The following POFUT3 variants were observed in gnomAD, a reference collection of about 807,000 sequenced individuals.
POFUT3 encodes the protein GDP-fucose protein O-fucosyltransferase 3.
At chr8:33,349,158 G>A in the POFUT3 span, among the ~76,000 whole-genome samples, 3 of 152,224 alleles carry the variant, frequency 2.0e-5, no homozygotes, top group Admixed American at 1.3e-4. Flanking sequence ...TTGGCTACCA[G>A]TGCCAGATAG....
At chr8:33,470,571 T>C in the POFUT3 span, among the ~76,000 whole-genome samples, 1 of 152,226 alleles carries the variant, frequency 6.6e-6, no homozygotes, top group Non-Finnish European at 1.5e-5. Context: ...TTAGTAACTA[T>C]TCTTCCTCCA....
the POFUT3 span, among the ~76,000 whole-genome samples, chr8:33,403,167 AAG>A: frequency 6.6e-6 from 1 of 152,170 alleles, no homozygotes; most frequent in African/African-American, 2.4e-5. Context: ...GGTAGAAAGA[AAG>A]AGGAAAAAAG....
the POFUT3 span, among the ~76,000 whole-genome samples, chr8:33,309,745 T>A: frequency 6.6e-6 from 1 of 152,188 alleles, no homozygotes; most frequent in Non-Finnish European, 1.5e-5. Context: ...ACCATAGTTT[T>A]GAAATTATAT....
chr8:33,375,815 G>A, the POFUT3 span, among the ~76,000 whole-genome samples: 1 of 152,032 alleles, frequency 6.6e-6, no homozygotes, highest in Non-Finnish European at 1.5e-5. Context: ...TCAGGAGTTA[G>A]AGACCAGCCT....
At chr8:33,309,141 A>AT in the POFUT3 span, among the ~76,000 whole-genome samples, 3 of 33,364 alleles carry the variant, frequency 9.0e-5, no homozygotes, top group African/African-American at 5.8e-4. Context: ...GGGAGTGTAA[A>AT]AAAAAAAAAA....
At chr8:33,459,523 T>A in the POFUT3 span, among the ~76,000 whole-genome samples, 2 of 151,284 alleles carry the variant, frequency 1.3e-5, no homozygotes, top group African/African-American at 4.9e-5. Flanking sequence ...ACACCTATAG[T>A]CTCAGCTACT....
At chr8:33,385,450 G>A in the POFUT3 span, among the ~76,000 whole-genome samples, 9 of 152,160 alleles carry the variant, frequency 5.9e-5, no homozygotes, top group African/African-American at 1.9e-4. Context: ...TGTCGAGGAC[G>A]GGGCCATGAT....
the POFUT3 span, among the ~76,000 whole-genome samples, chr8:33,472,494 C>A: frequency 6.6e-6 from 1 of 152,208 alleles, no homozygotes; most frequent in Non-Finnish European, 1.5e-5. Flanking sequence ...TGGGATAACC[C>A]AGGCCTGCGG....
chr8:33,410,417 T>G, the POFUT3 span, among the ~76,000 whole-genome samples: 2 of 152,128 alleles, frequency 1.3e-5, no homozygotes, highest in South Asian at 4.1e-4. Context: ...TCTGGGCTTG[T>G]GTCGCCGGGC....
At chr8:33,396,104 C>G in the POFUT3 span, among the ~76,000 whole-genome samples, 6 of 152,130 alleles carry the variant, frequency 3.9e-5, no homozygotes, top group Non-Finnish European at 8.8e-5. Flanking sequence ...GCGATAGTAG[C>G]AGTGACAATA....
At chr8:33,319,618 A>T in the POFUT3 span, among the ~76,000 whole-genome samples, 1 of 15,996 alleles carries the variant, frequency 6.3e-5, no homozygotes, top group African/African-American at 3.2e-4. Flanking sequence ...ATATTATATA[A>T]ATATATATAT....
At chr8:33,343,083 C>T in the POFUT3 span, among the ~76,000 whole-genome samples, 1 of 150,262 alleles carries the variant, frequency 6.7e-6, no homozygotes. Context: ...TGCACTCCAG[C>T]CTGGGCGACA....
chr8:33,360,521 TC>T, the POFUT3 span, among the ~76,000 whole-genome samples: 618 of 152,200 alleles, frequency 4.1e-3, 3 homozygotes, highest in African/African-American at 0.014. Flanking sequence ...AAGGATCCCA[TC>T]ACCAGAGAAT....
chr8:33,435,150 A>G, the POFUT3 span, among the ~76,000 whole-genome samples: 1 of 151,988 alleles, frequency 6.6e-6, no homozygotes, highest in Non-Finnish European at 1.5e-5. Flanking sequence ...TGCCATCTAC[A>G]TGCTTTTTTC....
the POFUT3 span, among the ~76,000 whole-genome samples, chr8:33,322,580 T>C: frequency 8.5e-5 from 13 of 152,096 alleles, no homozygotes; most frequent in Non-Finnish European, 1.9e-4. Context: ...GTGCATACCA[T>C]ACATAATAAT....
chr8:33,372,055 T>C, the POFUT3 span: 1 of 678,452 alleles, frequency 1.5e-6, no homozygotes, highest in Non-Finnish European at 1.8e-6. Context: ...ATAAGTTCTT[T>C]TCACTTGAAG....
the POFUT3 span, among the ~76,000 whole-genome samples, chr8:33,425,597 G>A: frequency 5.6e-3 from 849 of 152,154 alleles, 14 homozygotes; most frequent in African/African-American, 0.02. Context: ...GTAGCCAGAG[G>A]AAGGGGGAGG....
At chr8:33,438,802 A>G in the POFUT3 span, among the ~76,000 whole-genome samples, 1 of 152,114 alleles carries the variant, frequency 6.6e-6, no homozygotes, top group Non-Finnish European at 1.5e-5. Flanking sequence ...GCGAAAGGGG[A>G]AGCAGACAAG....
the POFUT3 span, among the ~76,000 whole-genome samples, chr8:33,412,753 G>A: frequency 6.6e-6 from 1 of 152,064 alleles, no homozygotes; most frequent in Admixed American, 6.6e-5. Flanking sequence ...TCACCCTCCC[G>A]AGCAGCTGGG....
Sources: allele counts gnomAD v4.1 joint callset (sites outside exome capture counted in the v4.1 genomes callset), GRCh38; gene constraint gnomAD v4.1.1; transcripts MANE v1.5; gene names NCBI Gene and HGNC (gene_info 2026-07-23, HGNC 2026-07-21).